Variants in CACNA2D3 observed in about 807,000 individuals in gnomAD.
CACNA2D3 encodes the protein voltage-dependent calcium channel subunit alpha-2/delta-3.
CACNA2D3 carries 60 observed loss-of-function variants against 160.6 expected under a neutral mutation model. That is an observed-to-expected ratio of 0.37 (90% confidence interval 0.30 to 0.46). The LOEUF is 0.46. Ranked by LOEUF, CACNA2D3 falls within the 20% of genes least tolerant of loss-of-function variation. CACNA2D3 has a pLI of 1.00. For missense variants in CACNA2D3, 1,205 were observed against 1,365.0 expected, an observed-to-expected ratio of 0.88 and a Z score of 1.85; for synonymous variants, 558 against 492.9, an observed-to-expected ratio of 1.13 and a Z score of -1.75.
chr3:54,270,478 G>A (rs1559902910), intron 2 of CACNA2D3, among the ~76,000 whole-genome samples: 1 of 152,178 alleles, frequency 6.6e-6, no homozygotes. Flanking sequence ...TTGAACCATG[G>A]CTTTGTCAAC....
intron 4 of CACNA2D3, among the ~76,000 whole-genome samples, chr3:54,453,899 A>T (rs73844049): frequency 2.0e-5 from 3 of 152,146 alleles, no homozygotes; most frequent in African/African-American, 7.2e-5. Context: ...TTTATGCATA[A>T]GTCACATATT....
chr3:54,463,420 G>T (rs1217104584), intron 4 of CACNA2D3, among the ~76,000 whole-genome samples: 4 of 151,458 alleles, frequency 2.6e-5, no homozygotes, highest in Admixed American at 1.3e-4. Context: ...CAGCAATCAC[G>T]TAGATTTGGT....
chr3:54,296,514 T>C (rs1373084910), intron 2 of CACNA2D3, among the ~76,000 whole-genome samples: 3 of 152,050 alleles, frequency 2.0e-5, no homozygotes, highest in Non-Finnish European at 4.4e-5. Flanking sequence ...TTTTAAATCA[T>C]CAAAACAGCA....
intron 3 of CACNA2D3, among the ~76,000 whole-genome samples, chr3:54,322,773 C>T (rs1170127763): frequency 2.6e-5 from 4 of 151,510 alleles, no homozygotes; most frequent in South Asian, 2.1e-4. Context: ...TTAGCGTCTT[C>T]GTATTGCCTA....
chr3:54,515,766 A>G (rs1701540118), intron 5 of CACNA2D3, among the ~76,000 whole-genome samples: 1 of 152,212 alleles, frequency 6.6e-6, no homozygotes, highest in Non-Finnish European at 1.5e-5. Context: ...CCCTGCCTCA[A>G]ATATGAAGAA....
intron 4 of CACNA2D3, among the ~76,000 whole-genome samples, chr3:54,444,525 C>T (rs773031994): frequency 6.6e-6 from 1 of 152,120 alleles, no homozygotes; most frequent in Non-Finnish European, 1.5e-5. Context: ...TTTTCATAAA[C>T]TGCTCTATTT....
chr3:54,541,260 G>C (rs544482608), intron 5 of CACNA2D3, among the ~76,000 whole-genome samples: 98 of 114,420 alleles, frequency 8.6e-4, no homozygotes, highest in Middle Eastern at 0.018. Flanking sequence ...CTGGGCAACA[G>C]AGCAAGACTC....
chr3:54,823,165 A>G (rs1412952483), intron 14 of CACNA2D3, among the ~76,000 whole-genome samples: 1 of 151,892 alleles, frequency 6.6e-6, no homozygotes, highest in Non-Finnish European at 1.5e-5. Context: ...TGCTATTTGC[A>G]TTTCTTATTG....
intron 2 of CACNA2D3, among the ~76,000 whole-genome samples, chr3:54,280,325 C>T (rs2107461866): frequency 6.6e-6 from 1 of 152,288 alleles, no homozygotes. Flanking sequence ...TCATGATCCG[C>T]CCTCCTCGGC....
At chr3:54,157,369 A>G (rs779260513) in intron 2 of CACNA2D3, among the ~76,000 whole-genome samples, 26 of 152,182 alleles carry the variant, frequency 1.7e-4, no homozygotes, top group African/African-American at 6.0e-4. Context: ...AATATATCCC[A>G]TAACACTCAC....
rs781436987 is a variant in CACNA2D3 at position 54,871,562 on chromosome 3, G to A, written c.1650G>A (p.Arg550=). ...AGTACGAAGAAGGAAAAAAGCGAAG[G>A]AAACCTAACTATAGTAGCGTTGACC... is the stretch of plus-strand genomic sequence containing the variant. ...RLLYEEGKKR[R]KPNYSSVDLS... is the part of the protein sequence containing the mutation. The change falls in exon 18 of 38, where the codon AGG becomes AGA. Residue 550 remains arginine, a synonymous_variant. Transcript: ENST00000474759. The A allele has an allele frequency of 5.6e-6, 9 of 1,613,528 alleles. No individual in the cohort carries two copies. Among genetic ancestry groups the A allele is most frequent in the Admixed American group, 1.7e-5 (1 of 60,006 alleles).
chr3:54,656,511 C>T (rs1281107036), intron 11 of CACNA2D3, among the ~76,000 whole-genome samples: 1 of 152,226 alleles, frequency 6.6e-6, no homozygotes, highest in Non-Finnish European at 1.5e-5. Flanking sequence ...ATCGGGCGAG[C>T]TGTGCCCACT....
At chr3:54,422,183 G>A (rs1330126086) in intron 4 of CACNA2D3, among the ~76,000 whole-genome samples, 2 of 152,202 alleles carry the variant, frequency 1.3e-5, no homozygotes, top group East Asian at 3.9e-4. Context: ...AGTCCCCTGG[G>A]GTGGTTCTGG....
At chr3:54,326,381 G>A (rs933279324) in intron 3 of CACNA2D3, among the ~76,000 whole-genome samples, 1 of 152,140 alleles carries the variant, frequency 6.6e-6, no homozygotes. Flanking sequence ...ACATACATCA[G>A]TGTTTTTATG....
At chr3:55,036,916 C>A (rs1703830057) in intron 35 of CACNA2D3, among the ~76,000 whole-genome samples, 1 of 152,078 alleles carries the variant, frequency 6.6e-6, no homozygotes, top group Admixed American at 6.6e-5. Context: ...TCTGGGGTGC[C>A]TATAGAAGTG....
intron 27 of CACNA2D3, among the ~76,000 whole-genome samples, chr3:54,926,351 A>G (rs572433945): frequency 2.6e-5 from 4 of 152,228 alleles, no homozygotes; most frequent in East Asian, 3.9e-4. Context: ...CACTTGCCCA[A>G]GTTCACACAG....
At chr3:54,754,605 C>T (rs1165704633) in intron 12 of CACNA2D3, among the ~76,000 whole-genome samples, 1 of 152,138 alleles carries the variant, frequency 6.6e-6, no homozygotes, top group East Asian at 1.9e-4. Flanking sequence ...AGCCTCGTAC[C>T]AGAGTGGGTG....
intron 11 of CACNA2D3, among the ~76,000 whole-genome samples, chr3:54,729,465 T>TG (rs200745034): frequency 0.015 from 320 of 20,666 alleles, 4 homozygotes; most frequent in Admixed American, 0.099. Context: ...CTTTTAAATT[T>TG]ATTGTAAGAG....
chr3:54,898,064 C>CGCTT (rs10660896), intron 26 of CACNA2D3, among the ~76,000 whole-genome samples: 30,673 of 151,112 alleles, frequency 0.2, 4,264 homozygotes, highest in African/African-American at 0.39. Flanking sequence ...GTCCGAAGCT[C>CGCTT]GCTTGCTTGC....
Sources: allele counts gnomAD v4.1 joint callset (sites outside exome capture counted in the v4.1 genomes callset), GRCh38; gene constraint gnomAD v4.1.1; transcripts MANE v1.5; gene names NCBI Gene and HGNC (gene_info 2026-07-23, HGNC 2026-07-21).